Variants in ABCA13 observed in about 807,000 individuals in gnomAD.
The protein encoded by ABCA13 is ATP binding cassette subfamily A member 13, also known as ATP-binding cassette sub-family A member 13.
ABCA13 carries 476 observed loss-of-function variants against 478.7 expected under a neutral mutation model. That is an observed-to-expected ratio of 0.99 (90% confidence interval 0.92 to 1.07). The LOEUF is 1.07. ABCA13 is among the 50% of genes least tolerant of loss of function. The probability of loss-of-function intolerance (pLI) is 0.00; values close to 1 mark genes in which losing one functional copy is unlikely to be tolerated. For missense variants in ABCA13, 6,060 were observed against 5,910.6 expected, an observed-to-expected ratio of 1.03 and a Z score of -0.83; for synonymous variants, 2,252 against 2,158.9, an observed-to-expected ratio of 1.04 and a Z score of -1.20.
rs73697129 is a variant in ABCA13, at chr7:48,310,255, C to T, written c.9516+114C>T. On this transcript the variant is annotated intron_variant, in intron 24 of 61. Coordinates refer to ENST00000435803, the MANE Select transcript of ABCA13 (RefSeq NM_152701.5). ...AGTGGGAGATCAGCACCTGGCCACT[C>T]TGCAGTGGTCTCCACCAGCCTCTGG... 7.8e-3 allele frequency: 8,864 copies of T among 1,129,290 alleles called. 508 individuals are homozygous for T. The African/African-American group carries it at 0.12, about 16-fold the overall frequency. The allele number at this position is 1,129,290 out of a possible 1,614,324, so 70.0% of individuals were successfully genotyped here.
At chr7:48,290,837 T>C (rs866705627) in intron 20 of ABCA13, among the ~76,000 whole-genome samples, 4 of 148,332 alleles carry the variant, frequency 2.7e-5, no homozygotes, top group South Asian at 4.2e-4. Flanking sequence ...TATTTCTGCA[T>C]TGATATGCTA....
In ABCA13 at chr7:48,274,672, C is replaced by T; in HGVS notation, c.5006C>T (p.Thr1669Ile). 3 of 1,613,926 alleles carry T rather than the reference C, an allele frequency of 1.9e-6. No homozygotes were observed. Among genetic ancestry groups the T allele is most frequent in the Admixed American group, 1.7e-5 (1 of 60,018 alleles). Residue 1669 changes from threonine to isoleucine, a missense_variant, in exon 17 of 62, where the codon ACC (threonine) becomes ATC (isoleucine). Physicochemically the swap from Thr to Ile is moderately conservative, Grantham distance 89. Coordinates refer to ENST00000435803, the MANE Select transcript of ABCA13 (RefSeq NM_152701.5). Reference sequence around the variant, plus strand: ...AAGAAGGTAACTTCTGTCATGCGTACCCTTAAGAAGGCAGACATAGACCTT... The same window carrying T: ...AAGAAGGTAACTTCTGTCATGCGTATCCTTAAGAAGGCAGACATAGACCTT... ...ALKKVTSVMR[T>I]LKKADIDLLV...
chr7:48,226,803 C>T (rs1195167440), intron 5 of ABCA13, among the ~76,000 whole-genome samples: 2 of 152,182 alleles, frequency 1.3e-5, no homozygotes, highest in African/African-American at 4.8e-5. Context: ...TATGGGCCAG[C>T]TGCATTTGCC....
At chr7:48,526,673 G>A (rs1832909278) in intron 54 of ABCA13, among the ~76,000 whole-genome samples, 1 of 152,106 alleles carries the variant, frequency 6.6e-6, no homozygotes, top group Non-Finnish European at 1.5e-5. Context: ...GCTGAATACT[G>A]TAAGCAATTG....
intron 59 of ABCA13, among the ~76,000 whole-genome samples, chr7:48,640,545 CTATT>C (rs1795030155): frequency 6.6e-6 from 1 of 152,088 alleles, no homozygotes; most frequent in African/African-American, 2.4e-5. Context: ...TTATTTATCT[CTATT>C]TAATCACCGA....
chr7:48,500,044 C>A (rs973705286), intron 48 of ABCA13, among the ~76,000 whole-genome samples: 1 of 152,180 alleles, frequency 6.6e-6, no homozygotes, highest in Non-Finnish European at 1.5e-5. Flanking sequence ...TTGTAGTTCT[C>A]ACTCTGGTAC....
rs1185622902 is a variant in ABCA13 at position 48,290,939 on chromosome 7, GGAAAAAAA to G, written c.8955+2862_8955+2869del. 6.5e-3 allele frequency among the ~76,000 whole-genome samples: 520 copies of G among 79,588 alleles called. 4 individuals are homozygous for G. Among genetic ancestry groups the G allele is most frequent in the Non-Finnish European group, 7.6e-3 (328 of 43,220 alleles). 52.2% of individuals were successfully genotyped at this position (79,588 alleles called of 152,430 possible). On this transcript the variant is annotated intron_variant, in intron 20 of 61. Transcript: ENST00000435803. Reference sequence around the variant, plus strand: ...AAGGTTTAGAGAGCTTCACACTCAGGGAAAAAAAAAAAAAAAAAAAAAAAAAAAAGAGA... The same window carrying G: ...AAGGTTTAGAGAGCTTCACACTCAGGAAAAAAAAAAAAAAAAAAAAAGAGA...
chr7:48,474,242 C>T (rs1314188931), intron 45 of ABCA13, among the ~76,000 whole-genome samples: 1 of 151,918 alleles, frequency 6.6e-6, no homozygotes, highest in African/African-American at 2.4e-5. Flanking sequence ...AGTAATTACC[C>T]CAAACCCCCA....
intron 59 of ABCA13, among the ~76,000 whole-genome samples, chr7:48,639,526 C>T (rs1423568153): frequency 6.6e-6 from 1 of 152,140 alleles, no homozygotes; most frequent in East Asian, 1.9e-4. Context: ...CACGGGAGGC[C>T]TGGTCCCCCT....
chr7:48,382,809 G>A (rs1814600706), intron 35 of ABCA13, among the ~76,000 whole-genome samples: 1 of 151,580 alleles, frequency 6.6e-6, no homozygotes, highest in Admixed American at 6.6e-5. Flanking sequence ...GTCATAAGAA[G>A]GCGCAGTCTC....
At chr7:48,212,725 C>G (rs1474004955) in intron 3 of ABCA13, among the ~76,000 whole-genome samples, 1 of 152,006 alleles carries the variant, frequency 6.6e-6, no homozygotes, top group Non-Finnish European at 1.5e-5. Flanking sequence ...TTGGCCATTT[C>G]AATATTTTTT....
At chr7:48,353,184 G>A (rs1809329051) in intron 31 of ABCA13, among the ~76,000 whole-genome samples, 1 of 151,754 alleles carries the variant, frequency 6.6e-6, no homozygotes, top group Non-Finnish European at 1.5e-5. Context: ...TTCAGACAAT[G>A]AACAGACTTC....
At chr7:48,364,918 T>C (rs928651356) in intron 31 of ABCA13, among the ~76,000 whole-genome samples, 4 of 152,300 alleles carry the variant, frequency 2.6e-5, no homozygotes, top group South Asian at 2.1e-4. Context: ...ATTTTAGATA[T>C]ACACTCTGCA....
At chr7:48,440,192 T>G (rs1393906130) in intron 42 of ABCA13, among the ~76,000 whole-genome samples, 1 of 152,178 alleles carries the variant, frequency 6.6e-6, no homozygotes, top group African/African-American at 2.4e-5. Flanking sequence ...GATTTTTCCA[T>G]GGTACATACC....
Position 48,273,806 on chromosome 7 carries a change from C to T in ABCA13, c.4140C>T (p.Ser1380=), listed in dbSNP as rs773198511. 1 of 1,611,558 alleles carries T rather than the reference C, an allele frequency of 6.2e-7. No homozygotes were observed. Among genetic ancestry groups the T allele is most frequent in the African/African-American group, 1.3e-5 (1 of 74,976 alleles). The change falls in exon 17 of 62, where the codon TCC becomes TCT. Residue 1380 remains serine (S), a synonymous_variant. Transcript: ENST00000435803. ...RMLRILDTLN[S]TFSSENTISS... ...TACGTATTCTAGACACGTTAAATTC[C>T]ACATTTTCCTCTGAGAACACAATTA...
intron 58 of ABCA13, among the ~76,000 whole-genome samples, chr7:48,605,069 C>T (rs948977418): frequency 6.6e-6 from 1 of 152,060 alleles, no homozygotes; most frequent in African/African-American, 2.4e-5. Flanking sequence ...CTTTTGCTTT[C>T]CATTTGCTTG....
rs772524692 is a variant in ABCA13, at chr7:48,520,136, G to C, written c.13893G>C (p.Gln4631His). The C allele has an allele frequency of 6.2e-7, 1 of 1,613,560 alleles. No homozygotes were observed. The highest frequency in any genetic ancestry group is 2.2e-5 in the East Asian group (1 of 44,798). Reference sequence around the variant, plus strand: ...GACTGGTAGAACTCTGCTATAATCAGATCAAATATGACCTGACCCACAACT... The same window carrying C: ...GACTGGTAGAACTCTGCTATAATCACATCAAATATGACCTGACCCACAACT... ...GQGLVELCYNQIKYDLTHNFG... is the reference protein window; with the variant it reads ...GQGLVELCYNHIKYDLTHNFG... The change falls in exon 53 of 62, where the codon CAG becomes CAC. Residue 4631 changes from glutamine (Q) to histidine (H), a missense_variant. Physicochemically the swap from Gln to His is conservative, Grantham distance 24. This residue lies in a region of ABCA13 where 1,627 missense variants were observed against 1,571.0 expected (regional missense o/e 1.04). Coordinates refer to ENST00000435803, the MANE Select transcript of ABCA13 (RefSeq NM_152701.5).
At chr7:48,179,308 T>G (rs1303541091) in intron 1 of ABCA13, among the ~76,000 whole-genome samples, 3 of 152,218 alleles carry the variant, frequency 2.0e-5, no homozygotes, top group Non-Finnish European at 4.4e-5. Context: ...AAAGCACATT[T>G]CTTTTTTCGA....
chr7:48,445,445 G>A (rs137890795), intron 42 of ABCA13, among the ~76,000 whole-genome samples: 65 of 152,280 alleles, frequency 4.3e-4, no homozygotes, highest in African/African-American at 1.5e-3. Flanking sequence ...ACTGCACCTT[G>A]TCTATGCCAG....
Sources: gnomAD v4.1 joint callset for allele counts (sites outside exome capture counted in the v4.1 genomes callset) on GRCh38, gnomAD v4.1.1 for gene constraint, gnomAD v4.1.1 regional missense constraint, MANE v1.5 for transcripts, NCBI Gene and HGNC (gene_info 2026-07-23, HGNC 2026-07-21) for gene names.